Variants in VAPB observed in about 807,000 individuals in gnomAD.
VAPB encodes vesicle-associated membrane protein-associated protein B/C.
VAPB carries 7 observed loss-of-function variants against 25.6 expected under a neutral mutation model. That is an observed-to-expected ratio of 0.27 (90% CI 0.16 to 0.51). VAPB has a LOEUF of 0.51. VAPB is among the 20% of genes least tolerant of loss of function. The probability of loss-of-function intolerance (pLI) is 0.97; values close to 1 mark genes in which losing one functional copy is unlikely to be tolerated. For missense variants in VAPB, 266 were observed against 301.3 expected (o/e 0.88, Z 0.87); for synonymous variants, 112 against 109.2 (o/e 1.03, Z -0.16).
intron 1 of VAPB, among the ~76,000 whole-genome samples, chr20:58,414,383 C>T (rs1288306800): frequency 1.3e-5 from 2 of 151,268 alleles, no homozygotes; most frequent in Non-Finnish European, 3.0e-5. Flanking sequence ...CCCCCACCTC[C>T]CAGACGGGGT....
intron 1 of VAPB, among the ~76,000 whole-genome samples, chr20:58,404,167 A>G (rs1423409767): frequency 6.6e-6 from 1 of 151,984 alleles, no homozygotes; most frequent in Non-Finnish European, 1.5e-5. Context: ...TTGAAATTTG[A>G]TATCATTTCT....
At chr20:58,416,588 A>G (rs1262722276) in intron 1 of VAPB, among the ~76,000 whole-genome samples, 1 of 152,098 alleles carries the variant, frequency 6.6e-6, no homozygotes. Flanking sequence ...TTTTATGTCC[A>G]GAATGTCCCT....
chr20:58,419,419 G>A (rs991275309), intron 2 of VAPB, among the ~76,000 whole-genome samples: 1 of 152,080 alleles, frequency 6.6e-6, no homozygotes, highest in Non-Finnish European at 1.5e-5. Context: ...CCTGATCTTC[G>A]AATCAAGTTA....
At chr20:58,442,970 G>A (rs188471536) in intron 5 of VAPB, among the ~76,000 whole-genome samples, 2 of 152,360 alleles carry the variant, frequency 1.3e-5, no homozygotes, top group Admixed American at 1.3e-4. Flanking sequence ...CAGCAAAGAT[G>A]AGTCTGTGCC....
At chr20:58,438,104 G>C (rs977770854) in intron 3 of VAPB, among the ~76,000 whole-genome samples, 3 of 152,150 alleles carry the variant, frequency 2.0e-5, no homozygotes, top group African/African-American at 7.2e-5. Flanking sequence ...TGGAGGGATG[G>C]AGATGGGTCT....
intron 5 of VAPB, 73 bp downstream of exon 5, chr20:58,441,156 T>A: frequency 6.7e-7 from 1 of 1,503,720 alleles, no homozygotes; most frequent in Non-Finnish European, 9.2e-7. Context: ...GGGAAGTTGA[T>A]GAGCCAGTGA....
intron 1 of VAPB, among the ~76,000 whole-genome samples, chr20:58,389,820 A>G (rs1421068387): frequency 1.3e-5 from 2 of 151,952 alleles, no homozygotes; most frequent in African/African-American, 4.8e-5. Flanking sequence ...GATCCTCTCT[A>G]GTGTGAGCCT....
In VAPB at chr20:58,449,701, T is replaced by A; in HGVS notation, c.*5466T>A. 2 of 454,138 alleles carry A rather than the reference T, an allele frequency of 4.4e-6. No homozygotes were observed. Among genetic ancestry groups the A allele is most frequent in the South Asian group, 3.1e-5 (2 of 64,480 alleles). 28.1% of individuals were successfully genotyped at this position (454,138 alleles called of 1,614,324 possible). A position where few individuals can be genotyped will look rare whatever the true frequency, so the allele number is the denominator to read the frequency against. ...TTATTTTTAAACCAGGAAACATTGA[T>A]CCTGTAACAATGCCCGATTACAATT... On this transcript the variant is annotated 3_prime_UTR_variant, in exon 6 of 6. Transcript: ENST00000475243.
At chr20:58,437,709 C>T (rs1989078701) in intron 3 of VAPB, among the ~76,000 whole-genome samples, 1 of 152,136 alleles carries the variant, frequency 6.6e-6, no homozygotes, top group African/African-American at 2.4e-5. Context: ...GTATTCTTTG[C>T]GATTTTTTCA....
intron 2 of VAPB, among the ~76,000 whole-genome samples, chr20:58,424,113 T>C (rs760599038): frequency 2.0e-5 from 3 of 152,214 alleles, no homozygotes; most frequent in Non-Finnish European, 2.9e-5. Context: ...TAACTTCAAC[T>C]CTGTACAGCA....
At position 58,448,462 on chromosome 20, in the gene VAPB, C is replaced by T. The variant is rs1268728553; in HGVS notation, c.*4227C>T. 3 of 453,972 alleles carry T rather than the reference C, an allele frequency of 6.6e-6. No homozygotes were observed. In the East Asian group the frequency reaches 2.1e-4, roughly 32 times the overall value. 28.1% of individuals were successfully genotyped at this position (453,972 alleles called of 1,614,324 possible). On this transcript the variant is annotated 3_prime_UTR_variant, in exon 6 of 6. Coordinates refer to ENST00000475243, the MANE Select transcript of VAPB (RefSeq NM_004738.5). ...ATTCGCTCATTGAACTTAATCCTTG[C>T]AACTGTGACTGGGGGGTAGATGGCT...
intron 1 of VAPB, among the ~76,000 whole-genome samples, chr20:58,413,362 G>T (rs993747024): frequency 2.6e-5 from 4 of 151,758 alleles, no homozygotes; most frequent in Non-Finnish European, 4.4e-5. Flanking sequence ...TAACGAGCAT[G>T]CTGCCTTCAA....
chr20:58,427,318 A>G (rs1200997131), intron 2 of VAPB, among the ~76,000 whole-genome samples: 2 of 151,442 alleles, frequency 1.3e-5, no homozygotes, highest in Non-Finnish European at 2.9e-5. Flanking sequence ...TGTTACCATT[A>G]TGATGCAGGC....
chr20:58,416,609 CAT>C (rs1988545674), intron 1 of VAPB, among the ~76,000 whole-genome samples: 1 of 152,102 alleles, frequency 6.6e-6, no homozygotes. Context: ...CTAATATGCA[CAT>C]GAGTAACGTT....
intron 1 of VAPB, among the ~76,000 whole-genome samples, chr20:58,392,682 C>T (rs566775799): frequency 6.6e-6 from 1 of 152,288 alleles, no homozygotes; most frequent in African/African-American, 2.4e-5. Flanking sequence ...GCTAACTTTA[C>T]TTGAGAAGGT....
chr20:58,414,593 C>T (rs1249798499), intron 1 of VAPB, among the ~76,000 whole-genome samples: 5 of 150,960 alleles, frequency 3.3e-5, no homozygotes, highest in South Asian at 4.2e-4. Flanking sequence ...GACGGGGCGG[C>T]GGGGCAGAGG....
rs190915844 is a variant in VAPB at position 58,447,580 on chromosome 20, A to C, written c.*3345A>C. The C allele has an allele frequency of 4.4e-6, 2 of 454,138 alleles. No homozygotes were observed. Among genetic ancestry groups the C allele is most frequent in the African/African-American group, 4.0e-5 (2 of 50,128 alleles). The allele number at this position is 454,138 out of a possible 1,614,324, so 28.1% of individuals were successfully genotyped here. ...ATTGCCCAGTTTGCAGGCTATGTTG[A>C]GTCAGATAGAACTGAATGTAGTGAG... On this transcript the variant is annotated 3_prime_UTR_variant, in exon 6 of 6. Transcript: ENST00000475243.
chr20:58,399,213 C>G (rs1307221513), intron 1 of VAPB, among the ~76,000 whole-genome samples: 1 of 151,504 alleles, frequency 6.6e-6, no homozygotes, highest in African/African-American at 2.4e-5. Flanking sequence ...GGCAGGAGAA[C>G]CGCTTCAGCT....
At position 58,448,137 on chromosome 20, in the gene VAPB, C is replaced by A; in HGVS notation, c.*3902C>A. The stretch of plus-strand genomic sequence containing the variant: ...TTTGCTGTTGTTGAGAAGGAGTGTT[C>A]TCAAAGATGAGCTGGAATGGAATTG... On this transcript the variant is annotated 3_prime_UTR_variant, in exon 6 of 6. Coordinates refer to ENST00000475243, the MANE Select transcript of VAPB (RefSeq NM_004738.5). The A allele has an allele frequency of 2.2e-6, 1 of 453,922 alleles. No homozygotes were observed. 28.1% of individuals were successfully genotyped at this position (453,922 alleles called of 1,614,324 possible).
Sources: allele counts gnomAD v4.1 joint callset (sites outside exome capture counted in the v4.1 genomes callset), GRCh38; gene constraint gnomAD v4.1.1; transcripts MANE v1.5; gene names NCBI Gene and HGNC (gene_info 2026-07-23, HGNC 2026-07-21).